The following ZNF200 variants were observed in gnomAD, a reference collection of about 807,000 sequenced individuals.
ZNF200 encodes the protein zinc finger protein 200.
In ZNF200, 35 loss-of-function variants were observed where a neutral mutation model predicts 33.6. That is an observed-to-expected ratio of 1.04 (90% CI 0.80 to 1.38). The LOEUF (loss-of-function observed/expected upper bound fraction) is 1.38. Among genes scored for constraint, ZNF200 ranks in the 40% most tolerant of loss-of-function variants. The pLI is 0.00. For synonymous variants in ZNF200, 209 were observed against 167.7 expected (o/e 1.25, Z -1.90); for missense variants, 592 against 470.6 (o/e 1.26, Z -2.39).
chr16:3,232,166 T>G (rs1282532547), intron 4 of ZNF200, among the ~76,000 whole-genome samples: 1 of 152,166 alleles, frequency 6.6e-6, no homozygotes, highest in East Asian at 1.9e-4. Flanking sequence ...AGTTTCTATA[T>G]CCACAGTTTC....
intron 2 of ZNF200, 67 bp from the exon 3 acceptor site, chr16:3,232,988 G>A (rs45532536): frequency 1.7e-5 from 24 of 1,401,774 alleles, no homozygotes; most frequent in Admixed American, 1.0e-4. Context: ...TCCCCATACC[G>A]CGAGGCCAGG....
At chr16:3,228,735 C>G (rs1053734132) in intron 4 of ZNF200, among the ~76,000 whole-genome samples, 1 of 152,002 alleles carries the variant, frequency 6.6e-6, no homozygotes, top group African/African-American at 2.4e-5. Flanking sequence ...CTCCTGACCT[C>G]AGGTATCACC....
chr16:3,224,525 A>T lies in ZNF200; in HGVS notation c.555T>A (p.Asp185Glu). 1 of 1,614,204 alleles carries T rather than the reference A, an allele frequency of 6.2e-7. No homozygotes were observed. Among genetic ancestry groups the T allele is most frequent in the Non-Finnish European group, 8.5e-7 (1 of 1,180,024 alleles). ...EDYREKSSDDDEMDSSLVSQQ... is the reference protein window; with the variant it reads ...EDYREKSSDDEEMDSSLVSQQ... ...GAGAGACCAAGGAAGAATCCATTTC[A>T]TCATCATCTGAAGACTTTTCTCTAT... The change falls in exon 5 of 5, where the codon GAT becomes GAA. Residue 185 changes from aspartate (D) to glutamate (E), a missense_variant. Asp to Glu is a conservative substitution (Grantham distance 45, BLOSUM62 2). Transcript: ENST00000414144.
At position 3,224,544 on chromosome 16, in the gene ZNF200, T is replaced by A; in HGVS notation, c.536A>T (p.Glu179Val). ...CATTTCATCATCATCTGAAGACTTT[T>A]CTCTATAATCTTCATTTTCTACAGG... is the stretch of plus-strand genomic sequence containing the variant. ...REPVENEDYR[E>V]KSSDDDEMDS... is the part of the protein sequence containing the mutation. Residue 179 changes from glutamate to valine, a missense_variant, in exon 5 of 5, where the codon GAA becomes GTA. Coordinates refer to ENST00000414144, the MANE Select transcript of ZNF200 (RefSeq NM_198088.3). 3 of 1,613,466 alleles carry A rather than the reference T, an allele frequency of 1.9e-6. No individual in the cohort carries two copies. Among genetic ancestry groups the A allele is most frequent in the Non-Finnish European group, 2.5e-6 (3 of 1,179,576 alleles).
chr16:3,231,411 T>C (rs570627013), intron 4 of ZNF200, among the ~76,000 whole-genome samples: 12 of 152,336 alleles, frequency 7.9e-5, no homozygotes, highest in East Asian at 1.9e-4. Context: ...AATGGATTTC[T>C]GTCACCCCAG....
intron 4 of ZNF200, chr16:3,227,329 G>A (rs1958498643): frequency 6.6e-6 from 1 of 152,124 alleles, no homozygotes; most frequent in African/African-American, 2.4e-5. Context: ...CTATCCCATG[G>A]TTATAAAGGA....
Position 3,223,061 on chromosome 16 carries a change from T to A in ZNF200, c.*831A>T, listed in dbSNP as rs190829015. The stretch of plus-strand genomic sequence containing the variant: ...GTCTTGGGGTTTCCTTCGTAGCACA[T>A]GAGATCTGGGCTCAACAGAGGGACA... On this transcript the variant is annotated 3_prime_UTR_variant, in exon 5 of 5. Transcript: ENST00000414144. 1 of 152,212 alleles carries A rather than the reference T, an allele frequency of 6.6e-6. No individual in the cohort carries two copies. The highest frequency in any genetic ancestry group is 1.9e-4 in the East Asian group (1 of 5,202). 9.4% of individuals were successfully genotyped at this position (152,212 alleles called of 1,614,324 possible). A position where few individuals can be genotyped will look rare whatever the true frequency, so the allele number is the denominator to read the frequency against.
Position 3,224,608 on chromosome 16 carries a change from T to C in ZNF200, c.472A>G (p.Asn158Asp), listed in dbSNP as rs368931922. ...SVGEMMLLAVNGSNPEGEDPE... is the reference protein window; with the variant it reads ...SVGEMMLLAVDGSNPEGEDPE... The stretch of plus-strand genomic sequence containing the variant: ...TCTTCACCTTCAGGATTACTGCCAT[T>C]GACTGCTGAAACAAAGAGAGAATTT... Residue 158 changes from asparagine (N) to aspartate (D), a missense_variant, in exon 5 of 5, where the codon AAT becomes GAT. Physicochemically the swap from Asn to Asp is conservative, Grantham distance 23. Transcript: ENST00000414144. 1.4e-5 allele frequency: 22 copies of C among 1,587,750 alleles called. No individual in the cohort carries two copies. The highest frequency in any genetic ancestry group is 1.8e-5 in the Admixed American group (1 of 56,638).
chr16:3,230,518 T>G (rs7201625), intron 4 of ZNF200, among the ~76,000 whole-genome samples: 16,462 of 152,214 alleles, frequency 0.11, 1,353 homozygotes, highest in South Asian at 0.31. Flanking sequence ...GTAGCTATAA[T>G]AAGAATTATC....
Position 3,223,740 on chromosome 16 carries a change from G to T in ZNF200, c.*152C>A. On this transcript the variant is annotated 3_prime_UTR_variant, in exon 5 of 5. Coordinates refer to ENST00000414144, the MANE Select transcript of ZNF200 (RefSeq NM_198088.3). ...TTCCCTGTGAATTTTCTAGCAATTT[G>T]AGGTTTTAGCTAAGATGGGCATTTA... 8.5e-7 allele frequency: 1 copy of T among 1,174,360 alleles called. No homozygotes were observed. The highest frequency in any genetic ancestry group is 1.2e-6 in the Non-Finnish European group (1 of 850,716). The allele number at this position is 1,174,360 out of a possible 1,614,324, so 72.7% of individuals were successfully genotyped here.
Position 3,224,563 on chromosome 16 carries a change from C to T in ZNF200, c.517G>A (p.Glu173Lys), listed in dbSNP as rs775628418. ...GACTTTTCTCTATAATCTTCATTTT[C>T]TACAGGTTCCCTCTCAGGATCTTCA... The part of the protein sequence containing the change: ...EGEDPEREPV[E>K]NEDYREKSSD... Residue 173 changes from glutamate to lysine, a missense_variant, in exon 5 of 5, where the codon GAA (glutamate) becomes AAA (lysine). Glu to Lys is a moderately conservative substitution (Grantham distance 56). Coordinates refer to ENST00000414144, the MANE Select transcript of ZNF200 (RefSeq NM_198088.3). The T allele has an allele frequency of 4.3e-6, 7 of 1,611,336 alleles. No homozygotes were observed. The highest frequency in any genetic ancestry group is 5.9e-6 in the Non-Finnish European group (7 of 1,178,312).
chr16:3,223,750 C>A lies in ZNF200; in HGVS notation c.*142G>T, dbSNP rs1192892492. The A allele has an allele frequency of 1.8e-5, 23 of 1,291,430 alleles. No homozygotes were observed. Among genetic ancestry groups the A allele is most frequent in the Non-Finnish European group, 2.4e-5 (23 of 956,130 alleles). 80.0% of individuals were successfully genotyped at this position (1,291,430 alleles called of 1,614,324 possible). A position where few individuals can be genotyped will look rare whatever the true frequency, so the allele number is the denominator to read the frequency against. ...ATTTTCTAGCAATTTGAGGTTTTAGCTAAGATGGGCATTTATCCAATTTTG... is the reference window on the plus strand; with the variant it reads ...ATTTTCTAGCAATTTGAGGTTTTAGATAAGATGGGCATTTATCCAATTTTG... On this transcript the variant is annotated 3_prime_UTR_variant, in exon 5 of 5. Coordinates refer to ENST00000414144, the MANE Select transcript of ZNF200 (RefSeq NM_198088.3).
Position 3,233,560 on chromosome 16 carries a change from C to G in ZNF200, c.196G>C (p.Val66Leu). 6.2e-7 allele frequency: 1 copy of G among 1,602,186 alleles called. No individual in the cohort carries two copies. The change falls in exon 2 of 5, where the codon GTC becomes CTC. Residue 66 changes from valine to leucine, a missense_variant. Val to Leu is a conservative substitution (Grantham distance 32). Coordinates refer to ENST00000414144, the MANE Select transcript of ZNF200 (RefSeq NM_198088.3). ...KPSLVQPSQK[V>L]KETLVIMKDV... ...TTCATAATAACCAAGGTCTCCTTGA[C>G]TTTCTGACTGGGCTGGACCAGGCTT...
Position 3,224,380 on chromosome 16 carries a change from A to G in ZNF200, c.700T>C (p.Tyr234His), listed in dbSNP as rs1958413926. Residue 234 changes from tyrosine (Y) to histidine (H), a missense_variant, in exon 5 of 5, where the codon TAT (tyrosine) becomes CAT (histidine). Physicochemically the swap from Tyr to His is moderately conservative, Grantham distance 83. Coordinates refer to ENST00000414144, the MANE Select transcript of ZNF200 (RefSeq NM_198088.3). ...AGGGCAATAATACTGATGTCTACAT[A>G]TTTTGAGAGTTCCTCTAGAGGAGTA... ...NDTPLEELSK[Y>H]VDISIIALTR... 9 of 1,614,200 alleles carry G rather than the reference A, an allele frequency of 5.6e-6. No homozygotes were observed. The East Asian group carries it at 2.0e-4, about 36-fold the overall frequency.
At chr16:3,234,901 A>T (rs1460980838) in intron 1 of ZNF200, 86 bp downstream of exon 1, 1 of 152,186 alleles carries the variant, frequency 6.6e-6, no homozygotes, top group African/African-American at 2.4e-5. Flanking sequence ...CAGGCTCCCT[A>T]CCCGGCCTTG....
At chr16:3,231,093 C>A (rs755180872) in intron 4 of ZNF200, among the ~76,000 whole-genome samples, 1 of 152,108 alleles carries the variant, frequency 6.6e-6, no homozygotes, top group Non-Finnish European at 1.5e-5. Flanking sequence ...TAAGCTTAAG[C>A]CACCAGCTTC....
chr16:3,232,897 A>C lies in ZNF200; in HGVS notation c.275T>G (p.Leu92Arg). The change falls in exon 3 of 5, where the codon CTT becomes CGT. Residue 92 changes from leucine (L) to arginine (R), a missense_variant. Transcript: ENST00000414144. ...TTCCTTTTGGACTCCTTTGGGCAGA[A>C]GCTTCACCAAGGGACGAGGATGCAC... ...NRVHPRPLVK[L>R]LPKGVQKEQE... 1 of 1,613,822 alleles carries C rather than the reference A, an allele frequency of 6.2e-7. No individual in the cohort carries two copies.
chr16:3,229,692 T>C (rs1031608905), intron 4 of ZNF200, among the ~76,000 whole-genome samples: 1 of 151,968 alleles, frequency 6.6e-6, no homozygotes, highest in African/African-American at 2.4e-5. Flanking sequence ...GGTGAAACCC[T>C]GTCTCTACTA....
chr16:3,224,304 T>G lies in ZNF200; in HGVS notation c.776A>C (p.Lys259Thr). 6.2e-7 allele frequency: 1 copy of G among 1,614,160 alleles called. No homozygotes were observed. The highest frequency in any genetic ancestry group is 8.5e-7 in the Non-Finnish European group (1 of 1,180,018). Residue 259 changes from lysine to threonine, a missense_variant, in exon 5 of 5, where the codon AAA becomes ACA. Transcript: ENST00000414144. ...RRWYTCPLCG[K>T]QFNESSYLIS... Reference sequence around the variant, plus strand: ...GAGGTAAGAACTTTCATTAAACTGTTTCCCACACAGTGGACAAGTGTACCA... The same window carrying G: ...GAGGTAAGAACTTTCATTAAACTGTGTCCCACACAGTGGACAAGTGTACCA...
Sources: gnomAD v4.1 joint callset for allele counts (sites outside exome capture counted in the v4.1 genomes callset) on GRCh38, gnomAD v4.1.1 for gene constraint, MANE v1.5 for transcripts, NCBI Gene and HGNC (gene_info 2026-07-23, HGNC 2026-07-21) for gene names.